The following TNS1 variants were observed in gnomAD, a reference collection of about 807,000 sequenced individuals.
The protein encoded by TNS1 is tensin-1.
A neutral mutation model predicts 168.6 loss-of-function variants in TNS1; 62 were observed. The ratio of observed to expected loss-of-function variants is 0.37; its 90% CI spans 0.30 to 0.45. The LOEUF is 0.45. Ranked by LOEUF, TNS1 falls within the 20% of genes least tolerant of loss-of-function variation. TNS1 has a pLI of 1.00. For synonymous variants in TNS1, 934 were observed against 933.2 expected (o/e 1.00, Z -0.02); for missense variants, 2,240 against 2,339.4 (o/e 0.96, Z 0.88).
In TNS1 at chr2:217,995,821, G is replaced by T. The variant is rs949371379; in HGVS notation, c.34-4765C>A. 6.6e-6 allele frequency among the ~76,000 whole-genome samples: 1 copy of T among 152,174 alleles called. No individual in the cohort carries two copies. Among genetic ancestry groups the T allele is most frequent in the Non-Finnish European group, 1.5e-5 (1 of 68,030 alleles). Reference sequence around the variant, plus strand: ...AGCCAGGGCCCAGGAAAGGGGAAGGGCTCCAGCCTATAAGTCCTTCTTCTC... The same window carrying T: ...AGCCAGGGCCCAGGAAAGGGGAAGGTCTCCAGCCTATAAGTCCTTCTTCTC... On this transcript the variant is annotated intron_variant, in intron 1 of 32. Transcript: ENST00000682258. This position sits in a 1 kb window ranked among gnomAD's most constrained non-coding sequence, Gnocchi z 4.1.
In TNS1 at chr2:217,809,896, G is replaced by T. The variant is rs200402809; in HGVS notation, c.5200C>A (p.Pro1734Thr). The change falls in exon 30 of 33, where the codon CCC becomes ACC. Residue 1734 changes from proline to threonine, a missense_variant. Coordinates refer to ENST00000682258, the MANE Select transcript of TNS1 (RefSeq NM_001387777.1). ...TGAACGATGGTGGCAGCTGGCGTGG[G>T]GTCTGCAGCCAACGTCTCAGATGTG... ...KATSETLAAD[P>T]TPAATIVHFK... is the part of the protein sequence containing the mutation. 6.2e-7 allele frequency: 1 copy of T among 1,613,760 alleles called. No individual in the cohort carries two copies. The highest frequency in any genetic ancestry group is 1.3e-5 in the African/African-American group (1 of 75,020).
chr2:217,882,466 AT>A (rs1276886099), intron 16 of TNS1, 55 bp from the exon 17 acceptor site: 3 of 1,315,054 alleles, frequency 2.3e-6, no homozygotes, highest in East Asian at 4.6e-5. Context: ...AAAGGATTCC[AT>A]AAAAAGTTTT....
intron 3 of TNS1, among the ~76,000 whole-genome samples, chr2:217,946,623 C>T (rs762874558): frequency 1.1e-4 from 16 of 152,154 alleles, no homozygotes; most frequent in Non-Finnish European, 2.2e-4. Flanking sequence ...ATCCCAGACA[C>T]ATCCCACAAA....
Position 217,821,769 on chromosome 2 carries a change from G to A in TNS1, c.3543C>T (p.Ser1181=), listed in dbSNP as rs201637731. 1.3e-6 allele frequency: 2 copies of A among 1,506,268 alleles called. No individual in the cohort carries two copies. The highest frequency in any genetic ancestry group is 5.0e-5 in the East Asian group (2 of 39,904). The allele number at this position is 1,506,268 out of a possible 1,614,324, so 93.3% of individuals were successfully genotyped here. The change falls in exon 23 of 33, where the codon TCC becomes TCT. Residue 1181 remains serine (S), a synonymous_variant. Coordinates refer to ENST00000682258, the MANE Select transcript of TNS1 (RefSeq NM_001387777.1). ...CAGCACTGAGGATGGGGCTGCTGGT[G>A]GAGAGGGGGCTGGGGGAGACAAAGG... The part of the protein sequence containing the change: ...GGSFVSPSPL[S]TSSPILSADS...
chr2:217,981,343 G>T (rs1282508506), intron 2 of TNS1, among the ~76,000 whole-genome samples: 2 of 152,240 alleles, frequency 1.3e-5, no homozygotes, highest in African/African-American at 4.8e-5. Flanking sequence ...TGCTCTCTCG[G>T]GTAGGCACCC....
rs201310757 is a variant in TNS1 at position 217,818,679 on chromosome 2, C to G, written c.3653G>C (p.Gly1218Ala). ...RTPTQPLLES[G>A]FRSGSLGQPS... ...CTGTCCCAGGCTGCCTGAGCGGAAG[C>G]CAGACTCCAACAGAGGCTGGGTGGG... Residue 1218 changes from glycine to alanine, a missense_variant, in exon 24 of 33, where the codon GGC becomes GCC. This residue lies in a region of TNS1 where 2,131 missense variants were observed against 2,171.2 expected (regional missense o/e 0.98). Coordinates refer to ENST00000682258, the MANE Select transcript of TNS1 (RefSeq NM_001387777.1). 1.9e-6 allele frequency: 3 copies of G among 1,614,214 alleles called. No individual in the cohort carries two copies. The African/African-American group carries it at 4.0e-5, about 22-fold the overall frequency.
At position 217,848,361 on chromosome 2, in the gene TNS1, T is replaced by G. The variant is rs1415335815; in HGVS notation, c.2156A>C (p.Glu719Ala). The change falls in exon 19 of 33, where the codon GAG (glutamate) becomes GCG (alanine). Residue 719 changes from glutamate to alanine, a missense_variant. Physicochemically the swap from Glu to Ala is moderately radical, Grantham distance 107 (BLOSUM62 -1). Around this residue, in one of 2 missense-constraint regions of TNS1, gnomAD observed 2,131 missense variants for 2,171.2 expected, o/e 0.98. Transcript: ENST00000682258. ...AQEGLAGYQR[E>A]GPHPAWPQPV... ...CTGTGGCCAGGCTGGGTGGGGCCCC[T>G]CCCTCTGGTAGCCAGCTAAACCCTC... is the stretch of plus-strand genomic sequence containing the variant. 4 of 1,541,014 alleles carry G rather than the reference T, an allele frequency of 2.6e-6. No homozygotes were observed. Among genetic ancestry groups the G allele is most frequent in the Non-Finnish European group, 3.5e-6 (4 of 1,141,840 alleles).
At chr2:217,882,509 A>G in intron 16 of TNS1, 98 bp from the exon 17 acceptor site, 1 of 669,604 alleles carries the variant, frequency 1.5e-6, no homozygotes, top group Non-Finnish European at 2.6e-6. Flanking sequence ...CCATATATGT[A>G]CATGGTTAAT....
At chr2:217,926,392 C>T (rs1956029064) in intron 3 of TNS1, among the ~76,000 whole-genome samples, 1 of 152,160 alleles carries the variant, frequency 6.6e-6, no homozygotes, top group Admixed American at 6.5e-5. Flanking sequence ...GTACAGATTA[C>T]ACCACTTCGT....
At chr2:217,831,968 C>CAG (rs1242004049) in intron 21 of TNS1, among the ~76,000 whole-genome samples, 2 of 151,934 alleles carry the variant, frequency 1.3e-5, no homozygotes, top group Non-Finnish European at 2.9e-5. Flanking sequence ...CACACACACA[C>CAG]ACAGACACAC....
At chr2:217,843,998 C>T (rs946318808) in intron 19 of TNS1, among the ~76,000 whole-genome samples, 8 of 152,188 alleles carry the variant, frequency 5.3e-5, no homozygotes, top group African/African-American at 1.9e-4. Context: ...TCAAACTCAA[C>T]ATGTCTAACA....
At chr2:217,944,811 A>G (rs1180844896) in intron 3 of TNS1, among the ~76,000 whole-genome samples, 2 of 152,222 alleles carry the variant, frequency 1.3e-5, no homozygotes, top group Non-Finnish European at 2.9e-5. Flanking sequence ...CCATATAATC[A>G]TTTCAACTTT....
Position 217,836,152 on chromosome 2 carries a change from C to T in TNS1, c.3067G>A (p.Ala1023Thr). Residue 1023 changes from alanine (A) to threonine (T), a missense_variant, in exon 20 of 33, where the codon GCC becomes ACC. Ala to Thr is a moderately conservative substitution (Grantham distance 58). This residue lies in a region of TNS1 where 2,131 missense variants were observed against 2,171.2 expected (regional missense o/e 0.98). Coordinates refer to ENST00000682258, the MANE Select transcript of TNS1 (RefSeq NM_001387777.1). The stretch of plus-strand genomic sequence containing the variant: ...TGGTTCTCATACTGTCCATCACTGG[C>T]CGCCCGCCTCCGCAGAGGGGCTGGG... ...EPPAPLRRRA[A>T]SDGQYENQSP... The T allele has an allele frequency of 6.2e-7, 1 of 1,613,804 alleles. No individual in the cohort carries two copies. The highest frequency in any genetic ancestry group is 8.5e-7 in the Non-Finnish European group (1 of 1,179,878).
chr2:217,966,189 C>A (rs1483610786), intron 3 of TNS1, among the ~76,000 whole-genome samples: 8 of 151,952 alleles, frequency 5.3e-5, no homozygotes, highest in Non-Finnish European at 1.2e-4. Flanking sequence ...AGCCACATTC[C>A]AGGAAAATGA....
chr2:218,014,276 G>A (rs1958737117), upstream of TNS1, among the ~76,000 whole-genome samples: 3 of 152,130 alleles, frequency 2.0e-5, no homozygotes, highest in South Asian at 6.2e-4. Flanking sequence ...CCATTAGATG[G>A]GAACATCACT....
upstream of TNS1, among the ~76,000 whole-genome samples, chr2:218,007,081 C>T (rs1201623146): frequency 1.3e-5 from 2 of 152,150 alleles, no homozygotes; most frequent in Non-Finnish European, 2.9e-5. Flanking sequence ...AGCCTTCCTC[C>T]CAGACCATCC....
At chr2:218,007,575 G>GGT (rs1553626888), upstream of TNS1, among the ~76,000 whole-genome samples, 15 of 131,030 alleles carry the variant, frequency 1.1e-4, no homozygotes, top group Admixed American at 1.2e-3. Context: ...GTGGGGGGGG[G>GGT]GGTTCAGCCA....
intron 18 of TNS1, among the ~76,000 whole-genome samples, chr2:217,853,821 C>A (rs1470840592): frequency 2.6e-5 from 4 of 152,214 alleles, no homozygotes; most frequent in Non-Finnish European, 4.4e-5. Context: ...CTAGGGTGTG[C>A]ACCCACTCCC....
At chr2:217,864,874 A>C (rs555117344) in intron 18 of TNS1, among the ~76,000 whole-genome samples, 97 of 152,318 alleles carry the variant, frequency 6.4e-4, no homozygotes, top group Non-Finnish European at 1.1e-3. Context: ...GCAGTTTTAT[A>C]ATTACAGCTC....
Sources: gnomAD v4.1 joint callset for allele counts (sites outside exome capture counted in the v4.1 genomes callset) on GRCh38, gnomAD v4.1.1 for gene constraint, gnomAD v4.1.1 regional missense constraint, Gnocchi (gnomAD v3.1) non-coding constraint, MANE v1.5 for transcripts, NCBI Gene and HGNC (gene_info 2026-07-23, HGNC 2026-07-21) for gene names.